ST8SIA5: variants seen among roughly 807,000 people sequenced by gnomAD.
ST8SIA5 encodes alpha-2,8-sialyltransferase 8E.
Under a neutral mutation model 40.2 loss-of-function variants are expected in ST8SIA5, and 24 were observed. That is an observed-to-expected ratio of 0.60 (90% CI 0.43 to 0.84). ST8SIA5 has a LOEUF of 0.84. Ranked by LOEUF, ST8SIA5 falls within the 40% of genes least tolerant of loss-of-function variation. The probability of loss-of-function intolerance (pLI) is 0.00; values close to 1 mark genes in which losing one functional copy is unlikely to be tolerated. For synonymous variants in ST8SIA5, 198 were observed against 201.8 expected (o/e 0.98, Z 0.16); for missense variants, 465 against 498.5 (o/e 0.93, Z 0.64).
At chr18:46,721,380 C>T in intron 1 of ST8SIA5, 1 of 1,536,140 alleles carries the variant, frequency 6.5e-7, no homozygotes, top group Non-Finnish European at 8.7e-7. Context: ...GGAGTCACTG[C>T]CGCTCTGCAC....
At chr18:46,703,115 C>T (rs967207131) in intron 2 of ST8SIA5, among the ~76,000 whole-genome samples, 1 of 152,212 alleles carries the variant, frequency 6.6e-6, no homozygotes, top group Non-Finnish European at 1.5e-5. Flanking sequence ...AGCATGAAGG[C>T]TGCTGGGCTA....
intron 1 of ST8SIA5, among the ~76,000 whole-genome samples, chr18:46,745,710 C>T (rs2040133187): frequency 6.6e-6 from 1 of 152,194 alleles, no homozygotes; most frequent in Non-Finnish European, 1.5e-5. Context: ...CTCCTTAACT[C>T]ATTTTATGAG....
intron 1 of ST8SIA5, among the ~76,000 whole-genome samples, chr18:46,732,979 G>C (rs978951355): frequency 6.6e-6 from 1 of 152,130 alleles, no homozygotes; most frequent in Non-Finnish European, 1.5e-5. Context: ...CCCTCACAAG[G>C]GATAGCAGGA....
At position 46,675,662 on chromosome 18, in the gene ST8SIA5, T is replaced by C. The variant is rs2039334932; in HGVS notation, c.*4380A>G. The C allele has an allele frequency of 6.6e-6, 1 of 152,116 alleles. No individual in the cohort carries two copies. The highest frequency in any genetic ancestry group is 6.5e-5 in the Admixed American group (1 of 15,270). 9.4% of individuals were successfully genotyped at this position (152,116 alleles called of 1,614,324 possible). ...AACCCTGAGGAAGCTTCACGGAAGA[T>C]GAATCCACAAAGGAACCTGAGAAGG... is the stretch of plus-strand genomic sequence containing the variant. On this transcript the variant is annotated 3_prime_UTR_variant, in exon 7 of 7. Coordinates refer to ENST00000315087, the MANE Select transcript of ST8SIA5 (RefSeq NM_013305.6).
intron 1 of ST8SIA5, among the ~76,000 whole-genome samples, chr18:46,741,220 T>A (rs966627580): frequency 6.6e-6 from 1 of 152,068 alleles, no homozygotes; most frequent in African/African-American, 2.4e-5. Context: ...AGAGATGAAA[T>A]ACAGCATATT....
chr18:46,751,300 TTCA>T (rs2040193036), intron 1 of ST8SIA5, among the ~76,000 whole-genome samples: 1 of 152,224 alleles, frequency 6.6e-6, no homozygotes, highest in African/African-American at 2.4e-5. Flanking sequence ...TGTAGCACAT[TTCA>T]GAACTTCCTT....
chr18:46,746,782 A>AAC (rs1325311431), intron 1 of ST8SIA5, among the ~76,000 whole-genome samples: 1 of 151,862 alleles, frequency 6.6e-6, no homozygotes, highest in South Asian at 2.1e-4. Flanking sequence ...GCAAAAAAAA[A>AAC]CAAAGCTGGA....
chr18:46,756,327 G>C (rs1431095494), intron 1 of ST8SIA5, 51 bp downstream of exon 1: 1 of 1,599,032 alleles, frequency 6.3e-7, no homozygotes, highest in Non-Finnish European at 8.5e-7. Flanking sequence ...TGCCACCCGG[G>C]GGCTCGCCGG....
intron 1 of ST8SIA5, among the ~76,000 whole-genome samples, chr18:46,752,435 A>C (rs937613641): frequency 3.9e-5 from 6 of 152,220 alleles, no homozygotes; most frequent in Non-Finnish European, 7.4e-5. Flanking sequence ...TGGAGAAGCC[A>C]AGAGCATCAA....
rs926755748 is a variant in ST8SIA5 at position 46,679,442 on chromosome 18, G to A, written c.*600C>T. The A allele has an allele frequency of 1.3e-5, 2 of 153,530 alleles. No homozygotes were observed. The highest frequency in any genetic ancestry group is 4.8e-5 in the African/African-American group (2 of 41,424). 9.5% of individuals were successfully genotyped at this position (153,530 alleles called of 1,614,324 possible). Reference sequence around the variant, plus strand: ...GTCACAGAAGAACCTGTCGGGTGGTGTGGCTTGGCTGTTAAGTCCCTGGAC... The same window carrying A: ...GTCACAGAAGAACCTGTCGGGTGGTATGGCTTGGCTGTTAAGTCCCTGGAC... On this transcript the variant is annotated 3_prime_UTR_variant, in exon 7 of 7. Transcript: ENST00000315087.
rs1387136856 is a variant in ST8SIA5, at chr18:46,692,214, T to G, written c.266A>C (p.Gln89Pro). ...GATGTTCATCGCCCATTTGCACATC[T>G]GGAGGCTCTTCCACCTGTCGAACAG... ...SELFDRWKSL[Q>P]MCKWAMNISE... Residue 89 changes from glutamine to proline, a missense_variant, in exon 3 of 7, where the codon CAG (glutamine) becomes CCG (proline). Transcript: ENST00000315087. 1 of 1,614,022 alleles carries G rather than the reference T, an allele frequency of 6.2e-7. No individual in the cohort carries two copies. The highest frequency in any genetic ancestry group is 8.5e-7 in the Non-Finnish European group (1 of 1,180,034).
rs116143472 is a variant in ST8SIA5, at chr18:46,709,594, T to C, written c.132-4930A>G. On this transcript the variant is annotated intron_variant, in intron 1 of 6. Transcript: ENST00000315087. ...TTCCCATTTGGTCTGGATACAGATA[T>C]ACAGACATCAAAAATGTTGCTTAAA... 7.3e-3 allele frequency among the ~76,000 whole-genome samples: 1,113 copies of C among 152,306 alleles called. 18 individuals carry two copies. The highest frequency in any genetic ancestry group is 0.026 in the African/African-American group (1,083 of 41,566).
At position 46,673,748 on chromosome 18, in the gene ST8SIA5, C is replaced by T. The variant is rs1381476413; in HGVS notation, c.*6294G>A. The T allele has an allele frequency of 1.3e-5, 2 of 152,146 alleles. No individual in the cohort carries two copies. The highest frequency in any genetic ancestry group is 2.9e-5 in the Non-Finnish European group (2 of 68,082). The allele number at this position is 152,146 out of a possible 1,614,324, so 9.4% of individuals were successfully genotyped here. ...ACACTGTAGATCTATCCAGTCTACC[C>T]TTTGAAGATCACACTGGTTTATTAG... On this transcript the variant is annotated 3_prime_UTR_variant, in exon 7 of 7. Transcript: ENST00000315087.
chr18:46,698,565 C>T (rs946511053), intron 2 of ST8SIA5, among the ~76,000 whole-genome samples: 3 of 152,208 alleles, frequency 2.0e-5, no homozygotes, highest in African/African-American at 7.2e-5. Context: ...TCCAACAACC[C>T]GTCACACCAA....
chr18:46,695,627 C>G (rs1408423333), intron 2 of ST8SIA5, among the ~76,000 whole-genome samples: 6 of 152,128 alleles, frequency 3.9e-5, no homozygotes, highest in African/African-American at 9.7e-5. Flanking sequence ...CACTCACAGC[C>G]CCCTGTACTT....
chr18:46,706,302 A>G (rs1309880184), intron 1 of ST8SIA5, among the ~76,000 whole-genome samples: 40 of 152,196 alleles, frequency 2.6e-4, no homozygotes, highest in Admixed American at 2.6e-3. Flanking sequence ...GATTCCCAAA[A>G]TATCAAACAC....
chr18:46,676,882 A>G lies in ST8SIA5; in HGVS notation c.*3160T>C, dbSNP rs932648892. The G allele has an allele frequency of 6.6e-6, 1 of 152,166 alleles. No individual in the cohort carries two copies. Among genetic ancestry groups the G allele is most frequent in the Non-Finnish European group, 1.5e-5 (1 of 68,038 alleles). 9.4% of individuals were successfully genotyped at this position (152,166 alleles called of 1,614,324 possible). ...GCCTTTGAAAAAATGTTTTTCTTAT[A>G]AACACTGGCTGCAGCAGAAAAACTA... is the stretch of plus-strand genomic sequence containing the variant. On this transcript the variant is annotated 3_prime_UTR_variant, in exon 7 of 7. Coordinates refer to ENST00000315087, the MANE Select transcript of ST8SIA5 (RefSeq NM_013305.6).
chr18:46,674,552 T>A lies in ST8SIA5; in HGVS notation c.*5490A>T, dbSNP rs1252153195. 6.6e-6 allele frequency: 1 copy of A among 152,288 alleles called. No homozygotes were observed. Among genetic ancestry groups the A allele is most frequent in the African/African-American group, 2.4e-5 (1 of 41,478 alleles). The allele number at this position is 152,288 out of a possible 1,614,324, so 9.4% of individuals were successfully genotyped here. ...CCCCAGGAACCAGAGACCTCATTAC[T>A]GTAGTAAACATGTGTTGAGTGGCCA... On this transcript the variant is annotated 3_prime_UTR_variant, in exon 7 of 7. Coordinates refer to ENST00000315087, the MANE Select transcript of ST8SIA5 (RefSeq NM_013305.6).
At chr18:46,696,576 C>G (rs1334665045) in intron 2 of ST8SIA5, among the ~76,000 whole-genome samples, 7 of 152,252 alleles carry the variant, frequency 4.6e-5, no homozygotes, top group Non-Finnish European at 1.0e-4. Flanking sequence ...GTCATTTAAT[C>G]TCTCTGAGAC....
Sources: allele counts gnomAD v4.1 joint callset (sites outside exome capture counted in the v4.1 genomes callset), GRCh38; gene constraint gnomAD v4.1.1; transcripts MANE v1.5; gene names NCBI Gene and HGNC (gene_info 2026-07-23, HGNC 2026-07-21).